The following NALF1 variants were observed in gnomAD, a reference collection of about 807,000 sequenced individuals.
NALF1 encodes the protein NALCN channel auxiliary factor 1.
A neutral mutation model predicts 48.4 loss-of-function variants in NALF1; 3 were observed. The observed-to-expected ratio is 0.06, with a 90% CI of 0.03 to 0.16. The LOEUF (loss-of-function observed/expected upper bound fraction) is 0.16. Among genes scored for constraint, NALF1 ranks in the 10% least tolerant of loss-of-function variants. NALF1 has a pLI of 1.00. For missense variants in NALF1, 526 were observed against 571.5 expected (o/e 0.92, Z 0.81); for synonymous variants, 262 against 245.7 (o/e 1.07, Z -0.62).
At chr13:107,255,907 G>T (rs1329860067) in intron 1 of NALF1, among the ~76,000 whole-genome samples, 1 of 151,924 alleles carries the variant, frequency 6.6e-6, no homozygotes. Flanking sequence ...CACATTTATT[G>T]GTTATCTAAC....
intron 1 of NALF1, among the ~76,000 whole-genome samples, chr13:107,482,359 C>T (rs1343392279): frequency 3.9e-5 from 6 of 152,114 alleles, no homozygotes; most frequent in Non-Finnish European, 5.9e-5. Flanking sequence ...CACACACACA[C>T]GTCCTATTGG....
chr13:107,613,356 C>T (rs1400391167), intron 1 of NALF1, among the ~76,000 whole-genome samples: 1 of 152,286 alleles, frequency 6.6e-6, no homozygotes, highest in South Asian at 2.1e-4. Context: ...TCCGCAATAA[C>T]CCTGACTGGG....
At chr13:107,786,537 C>T (rs1878078279) in intron 1 of NALF1, among the ~76,000 whole-genome samples, 2 of 149,964 alleles carry the variant, frequency 1.3e-5, no homozygotes. Flanking sequence ...TTGAGACCAG[C>T]CTGCCCAACA....
chr13:107,344,543 T>C (rs987634864), intron 1 of NALF1, among the ~76,000 whole-genome samples: 3 of 152,132 alleles, frequency 2.0e-5, no homozygotes, highest in African/African-American at 7.2e-5. Flanking sequence ...CAAAAATCAA[T>C]CAATGTAATA....
intron 1 of NALF1, among the ~76,000 whole-genome samples, chr13:107,601,740 A>AAC (rs546634909): frequency 1.4e-3 from 219 of 151,976 alleles, no homozygotes; most frequent in African/African-American, 4.6e-3. Context: ...TACAAAACAA[A>AAC]ACACACACAC....
chr13:107,192,177 G>C (rs1879296857), intron 2 of NALF1, among the ~76,000 whole-genome samples: 1 of 152,102 alleles, frequency 6.6e-6, no homozygotes, highest in African/African-American at 2.4e-5. Context: ...AAAATGATGT[G>C]AAACATTTTA....
intron 1 of NALF1, among the ~76,000 whole-genome samples, chr13:107,735,737 T>C (rs1183573419): frequency 6.6e-6 from 1 of 152,232 alleles, no homozygotes; most frequent in Non-Finnish European, 1.5e-5. Context: ...TGAATTTACA[T>C]TATTAACAGA....
intron 1 of NALF1, among the ~76,000 whole-genome samples, chr13:107,498,919 G>A (rs776889243): frequency 2.4e-4 from 37 of 152,152 alleles, no homozygotes; most frequent in Non-Finnish European, 4.9e-4. Flanking sequence ...CATATATGTA[G>A]GAAGAGTAGT....
chr13:107,719,171 G>A (rs1875914099), intron 1 of NALF1, among the ~76,000 whole-genome samples: 1 of 152,152 alleles, frequency 6.6e-6, no homozygotes, highest in Non-Finnish European at 1.5e-5. Context: ...ATTTCCATGT[G>A]ATGTTCTCTC....
At chr13:107,594,905 A>G (rs184421707) in intron 1 of NALF1, among the ~76,000 whole-genome samples, 136 of 152,270 alleles carry the variant, frequency 8.9e-4, no homozygotes, top group South Asian at 2.1e-3. Context: ...TTAAAAAAAT[A>G]GAAAAGGAAA....
intron 1 of NALF1, among the ~76,000 whole-genome samples, chr13:107,451,086 T>A (rs1566348059): frequency 6.6e-6 from 1 of 152,140 alleles, no homozygotes; most frequent in East Asian, 1.9e-4. Context: ...GCAATTAGGA[T>A]GACTGTGCTC....
chr13:107,658,409 C>A (rs907657614), intron 1 of NALF1, among the ~76,000 whole-genome samples: 1 of 151,924 alleles, frequency 6.6e-6, no homozygotes, highest in Non-Finnish European at 1.5e-5. Context: ...GCTCTTATCA[C>A]CTTCCTTAAT....
At chr13:107,568,321 AT>A (rs1877878365) in intron 1 of NALF1, among the ~76,000 whole-genome samples, 1 of 152,158 alleles carries the variant, frequency 6.6e-6, no homozygotes, top group African/African-American at 2.4e-5. Flanking sequence ...CATTCTGTGG[AT>A]ATACCACATG....
At chr13:107,243,843 G>T (rs563020835) in intron 1 of NALF1, among the ~76,000 whole-genome samples, 1 of 152,158 alleles carries the variant, frequency 6.6e-6, no homozygotes, top group African/African-American at 2.4e-5. Context: ...AGGACACAGA[G>T]AAGTGATATT....
chr13:107,456,310 G>A (rs1884824091), intron 1 of NALF1, among the ~76,000 whole-genome samples: 1 of 152,154 alleles, frequency 6.6e-6, no homozygotes. Context: ...TAAACTTTCA[G>A]AGCACAATGC....
intron 1 of NALF1, among the ~76,000 whole-genome samples, chr13:107,511,862 C>T: frequency 6.6e-6 from 1 of 152,138 alleles, no homozygotes; most frequent in Non-Finnish European, 1.5e-5. Context: ...CTCTCTTCAC[C>T]TCCGTCTAAT....
intron 1 of NALF1, among the ~76,000 whole-genome samples, chr13:107,326,882 T>G (rs1225262217): frequency 6.7e-6 from 1 of 148,342 alleles, no homozygotes; most frequent in Non-Finnish European, 1.5e-5. Flanking sequence ...AGGGTGATCT[T>G]AATTAGAGGA....
intron 1 of NALF1, among the ~76,000 whole-genome samples, chr13:107,374,847 C>G (rs1345300892): frequency 6.6e-6 from 1 of 152,122 alleles, no homozygotes; most frequent in Non-Finnish European, 1.5e-5. Context: ...TAAGATGCAG[C>G]AAGAAGGCTC....
intron 2 of NALF1, among the ~76,000 whole-genome samples, chr13:107,176,190 A>G (rs1878922769): frequency 6.6e-6 from 1 of 152,232 alleles, no homozygotes; most frequent in African/African-American, 2.4e-5. Context: ...TAGCATTAGG[A>G]AAAAACAAAA....
Sources: gnomAD v4.1 joint callset for allele counts (sites outside exome capture counted in the v4.1 genomes callset) on GRCh38, gnomAD v4.1.1 for gene constraint, MANE v1.5 for transcripts, NCBI Gene and HGNC (gene_info 2026-07-23, HGNC 2026-07-21) for gene names.